RNLS: variants seen among roughly 807,000 people sequenced by gnomAD.
RNLS encodes the protein renalase.
Under a neutral mutation model 39.8 loss-of-function variants are expected in RNLS, and 39 were observed. The observed-to-expected ratio is 0.98, with a 90% CI of 0.76 to 1.28. RNLS has a LOEUF of 1.28. RNLS is among the 50% of genes most tolerant of loss of function. The pLI, the probability that RNLS is intolerant of heterozygous loss-of-function variation, is 0.00. For missense variants in RNLS, 410 were observed against 413.3 expected (o/e 0.99, Z 0.07); for synonymous variants, 147 against 150.7 (o/e 0.98, Z 0.18).
At chr10:88,312,855 C>T (rs1005986523) in intron 6 of RNLS, among the ~76,000 whole-genome samples, 1 of 152,046 alleles carries the variant, frequency 6.6e-6, no homozygotes, top group Non-Finnish European at 1.5e-5. Flanking sequence ...CCCCTACCCT[C>T]CCACATTTCT....
rs541300729 is a variant in RNLS at position 88,289,796 on chromosome 10, A to T, written c.877-4290T>A. 4.6e-5 allele frequency among the ~76,000 whole-genome samples: 7 copies of T among 152,294 alleles called. No individual in the cohort carries two copies. The South Asian group carries it at 1.0e-3, about 23-fold the overall frequency. On this transcript the variant is annotated intron_variant, in intron 6 of 6. Coordinates refer to ENST00000331772, the MANE Select transcript of RNLS (RefSeq NM_001031709.3). ...AAAAAGTATTATTCAGAGGCTCCCC[A>T]TATAGCTGAGGAGAAGCTCAAATGG...
chr10:88,200,843 T>G, the RNLS span, among the ~76,000 whole-genome samples: 1 of 152,168 alleles, frequency 6.6e-6, no homozygotes, highest in Non-Finnish European at 1.5e-5. Context: ...AATGAACTTA[T>G]CTCCTGGTCC....
At chr10:88,325,722 T>G (rs559515611) in intron 5 of RNLS, among the ~76,000 whole-genome samples, 1 of 152,324 alleles carries the variant, frequency 6.6e-6, no homozygotes, top group Admixed American at 6.5e-5. Flanking sequence ...AAATTCTATC[T>G]CAATTGTGTT....
intron 4 of RNLS, among the ~76,000 whole-genome samples, chr10:88,470,789 T>C (rs1456611415): frequency 1.3e-5 from 2 of 152,058 alleles, no homozygotes; most frequent in Non-Finnish European, 2.9e-5. Context: ...CTAATTTTTG[T>C]ATTTTTAGTA....
chr10:88,418,872 C>A (rs1284261864), intron 4 of RNLS, among the ~76,000 whole-genome samples: 1 of 152,096 alleles, frequency 6.6e-6, no homozygotes, highest in Non-Finnish European at 1.5e-5. Flanking sequence ...AGCAGATAAC[C>A]TGTTGGTTCC....
intron 4 of RNLS, among the ~76,000 whole-genome samples, chr10:88,420,181 T>A (rs1854319423): frequency 6.6e-6 from 1 of 152,002 alleles, no homozygotes; most frequent in South Asian, 2.1e-4. Context: ...GGCTAGTATA[T>A]AATAGGCGTG....
intron 4 of RNLS, among the ~76,000 whole-genome samples, chr10:88,523,017 C>A (rs1264181085): frequency 6.6e-6 from 1 of 152,080 alleles, no homozygotes; most frequent in East Asian, 1.9e-4. Flanking sequence ...TCTGGACCTT[C>A]CTTAGCATGA....
chr10:88,580,275 G>GT lies in RNLS; in HGVS notation c.367+1291dup, dbSNP rs552971592. Among the ~76,000 whole-genome samples, 143 of 152,186 alleles carry GT rather than the reference G, an allele frequency of 9.4e-4. 1 individual carries two copies. The highest frequency in any genetic ancestry group is 3.2e-3 in the African/African-American group (133 of 41,528). On this transcript the variant is annotated intron_variant, in intron 3 of 6. Coordinates refer to ENST00000331772, the MANE Select transcript of RNLS (RefSeq NM_001031709.3). ...ACCCTATTGGTTCTGTTTCTCTGGAGTAGTCTAACATACCATCTATATACT... is the reference window on the plus strand; with the variant it reads ...ACCCTATTGGTTCTGTTTCTCTGGAGTTAGTCTAACATACCATCTATATACT...
chr10:88,218,012 C>T, the RNLS span, among the ~76,000 whole-genome samples: 4 of 152,112 alleles, frequency 2.6e-5, no homozygotes, highest in Non-Finnish European at 5.9e-5. Flanking sequence ...TGCACTCCAG[C>T]CTGGGCAACA....
At position 88,488,502 on chromosome 10, in the gene RNLS, C is replaced by T. The variant is rs540099975; in HGVS notation, c.526+84401G>A. ...CCAAGGTTGTGGTGAGCTGACATTG[C>T]GCCATTGCACTCCAGCCTAGGCAAC... is the stretch of plus-strand genomic sequence containing the variant. On this transcript the variant is annotated intron_variant, in intron 4 of 6. Coordinates refer to ENST00000331772, the MANE Select transcript of RNLS (RefSeq NM_001031709.3). Among the ~76,000 whole-genome samples, 61 of 142,208 alleles carry T rather than the reference C, an allele frequency of 4.3e-4. 2 individuals carry two copies. The highest frequency in any genetic ancestry group is 1.5e-3 in the African/African-American group (56 of 38,608). The allele number at this position is 142,208 out of a possible 152,430, so 93.3% of individuals were successfully genotyped here. A position where few individuals can be genotyped will look rare whatever the true frequency, so the allele number is the denominator to read the frequency against.
intron 4 of RNLS, among the ~76,000 whole-genome samples, chr10:88,472,681 C>T (rs1272169789): frequency 2.0e-5 from 3 of 152,134 alleles, no homozygotes; most frequent in Admixed American, 2.0e-4. Context: ...TTATTAGAGG[C>T]TTATTAAGTA....
At chr10:88,512,410 C>G (rs908118213) in intron 4 of RNLS, among the ~76,000 whole-genome samples, 3 of 152,078 alleles carry the variant, frequency 2.0e-5, no homozygotes, top group Non-Finnish European at 4.4e-5. Context: ...TAATGAAAAG[C>G]ACTTTGCAGT....
the RNLS span, among the ~76,000 whole-genome samples, chr10:88,241,816 C>A: frequency 6.6e-6 from 1 of 152,210 alleles, no homozygotes; most frequent in African/African-American, 2.4e-5. Flanking sequence ...CAGCCCATTT[C>A]ATGCTCTGTG....
At chr10:88,521,205 A>C (rs1846706261) in intron 4 of RNLS, among the ~76,000 whole-genome samples, 1 of 152,010 alleles carries the variant, frequency 6.6e-6, no homozygotes, top group South Asian at 2.1e-4. Context: ...AAGTCCTGTA[A>C]TGTCTACACC....
the RNLS span, among the ~76,000 whole-genome samples, chr10:88,197,438 C>T: frequency 6.6e-6 from 1 of 152,144 alleles, no homozygotes; most frequent in East Asian, 1.9e-4. Context: ...AGTGTCTCTT[C>T]CTTCCCTATT....
At chr10:88,258,331 T>C in the RNLS span, among the ~76,000 whole-genome samples, 1 of 152,208 alleles carries the variant, frequency 6.6e-6, no homozygotes, top group African/African-American at 2.4e-5. Context: ...CAGAATTATG[T>C]ATTCTGGATC....
intron 4 of RNLS, among the ~76,000 whole-genome samples, chr10:88,390,053 C>G (rs1193340685): frequency 6.6e-6 from 1 of 152,200 alleles, no homozygotes; most frequent in Non-Finnish European, 1.5e-5. Flanking sequence ...TGGTTGTGGT[C>G]TATCAAGAAC....
chr10:88,322,373 GCT>G (rs1236686978), intron 5 of RNLS, among the ~76,000 whole-genome samples: 1 of 152,130 alleles, frequency 6.6e-6, no homozygotes, highest in Admixed American at 6.6e-5. Flanking sequence ...TATGGTTTGG[GCT>G]CTGTGTCCCC....
the RNLS span, among the ~76,000 whole-genome samples, chr10:88,249,094 C>G: frequency 2.0e-5 from 3 of 152,164 alleles, no homozygotes; most frequent in Non-Finnish European, 4.4e-5. Context: ...TTGTAGGCTT[C>G]TGGATGGGTT....
Sources: gnomAD v4.1 joint callset for allele counts (sites outside exome capture counted in the v4.1 genomes callset) on GRCh38, gnomAD v4.1.1 for gene constraint, MANE v1.5 for transcripts, NCBI Gene and HGNC (gene_info 2026-07-23, HGNC 2026-07-21) for gene names.